CHRDL1: variants seen among roughly 807,000 people sequenced by gnomAD.
The protein encoded by CHRDL1 is chordin like 1, also known as chordin-like protein 1.
Under a neutral mutation model 40.9 loss-of-function variants are expected in CHRDL1, and 19 were observed. That is an observed-to-expected ratio of 0.46 (90% CI 0.32 to 0.68). The LOEUF is 0.68. CHRDL1 is among the 30% of genes least tolerant of loss of function. CHRDL1 has a pLI of 0.03. For synonymous variants in CHRDL1, 136 were observed against 123.4 expected (o/e 1.10, Z -0.68); for missense variants, 329 against 352.1 (o/e 0.93, Z 0.53).
intron 4 of CHRDL1, among the ~76,000 whole-genome samples, chrX:110,741,169 A>C (rs944456763): frequency 3.6e-5 from 4 of 112,106 alleles, no homozygotes; most frequent in Non-Finnish European, 7.5e-5. Flanking sequence ...AGTTGGTACC[A>C]GCAGGATTTC....
chrX:110,779,224 C>T (rs760165366), intron 2 of CHRDL1, among the ~76,000 whole-genome samples: 3 of 110,848 alleles, frequency 2.7e-5, no homozygotes, highest in Non-Finnish European at 5.7e-5. Flanking sequence ...ATTAACAAAC[C>T]TGCACATGTA....
At chrX:110,677,637 T>C (rs1603101849) in intron 11 of CHRDL1, among the ~76,000 whole-genome samples, 1 of 111,662 alleles carries the variant, frequency 9.0e-6, no homozygotes, top group East Asian at 2.8e-4. Context: ...CCTCCTTTCT[T>C]ACTCACATGT....
rs939443367 is a variant in CHRDL1 at position 110,747,745 on chromosome X, A to AC, written c.301+11915dup. Among the ~76,000 whole-genome samples, 54 of 111,755 alleles carry AC rather than the reference A, an allele frequency of 4.8e-4. 2 individuals are homozygous for AC. The highest frequency in any genetic ancestry group is 1.5e-3 in the African/African-American group (47 of 30,799). ...GCATTGCCAACACCCCAGAAGCACCACCCCCCAATGGAGGTCAACTCACCA... is the reference window on the plus strand; with the variant it reads ...GCATTGCCAACACCCCAGAAGCACCACCCCCCCAATGGAGGTCAACTCACCA... On this transcript the variant is annotated intron_variant, in intron 4 of 11. Coordinates refer to ENST00000372042, the MANE Select transcript of CHRDL1 (RefSeq NM_001143981.2).
intron 11 of CHRDL1, among the ~76,000 whole-genome samples, chrX:110,676,792 G>C (rs1231472932): frequency 9.0e-6 from 1 of 110,746 alleles, no homozygotes; most frequent in Non-Finnish European, 1.9e-5. Flanking sequence ...TTACCCTTAG[G>C]GTCCCCAAAT....
chrX:110,683,518 T>C (rs1046793458), intron 9 of CHRDL1, among the ~76,000 whole-genome samples: 1 of 112,139 alleles, frequency 8.9e-6, no homozygotes, highest in Non-Finnish European at 1.9e-5. Flanking sequence ...TAAGTCTTAA[T>C]AGGGACTTTT....
intron 4 of CHRDL1, among the ~76,000 whole-genome samples, chrX:110,758,402 C>G (rs957962950): frequency 1.8e-5 from 2 of 111,490 alleles, no homozygotes; most frequent in African/African-American, 3.3e-5. Context: ...ATTTAAAAAC[C>G]TGTGATATGG....
chrX:110,691,204 AC>A (rs1295672155), intron 8 of CHRDL1, among the ~76,000 whole-genome samples: 1 of 103,674 alleles, frequency 9.6e-6, no homozygotes, highest in African/African-American at 3.5e-5. Context: ...ACAGAGTGAG[AC>A]CCTGTTCCCT....
chrX:110,724,444 G>T lies in CHRDL1; in HGVS notation c.302-2914C>A, dbSNP rs186674918. Among the ~76,000 whole-genome samples, 31 of 110,528 alleles carry T rather than the reference G, an allele frequency of 2.8e-4. No individual in the cohort carries two copies. The East Asian group carries it at 6.5e-3, about 23-fold the overall frequency. On this transcript the variant is annotated intron_variant, in intron 4 of 11. Coordinates refer to ENST00000372042, the MANE Select transcript of CHRDL1 (RefSeq NM_001143981.2). Reference sequence around the variant, plus strand: ...AAGACACAGTAGAATCAAAGAAAAAGAAACCAATTATGGTCATGCTTAAGG... The same window carrying T: ...AAGACACAGTAGAATCAAAGAAAAATAAACCAATTATGGTCATGCTTAAGG...
At chrX:110,764,681 T>G (rs1008080728) in intron 2 of CHRDL1, among the ~76,000 whole-genome samples, 3 of 111,816 alleles carry the variant, frequency 2.7e-5, no homozygotes, top group African/African-American at 9.8e-5. Context: ...AAAAGAGCCA[T>G]ATTTTTCTTC....
chrX:110,759,748 T>G lies in CHRDL1; in HGVS notation c.214A>C (p.Asn72His), dbSNP rs1569480221. 8.4e-7 allele frequency: 1 copy of G among 1,186,973 alleles called. No individual in the cohort carries two copies. Among genetic ancestry groups the G allele is most frequent in the East Asian group, 3.0e-5 (1 of 33,714 alleles). ...CVNCICSENG[N>H]VLCSRVRCPN... ...CATCTGACTCGGCTGCAAAGCACATTCCCATTCTGAAAAAGAGAAGGCAAT... is the reference window on the plus strand; with the variant it reads ...CATCTGACTCGGCTGCAAAGCACATGCCCATTCTGAAAAAGAGAAGGCAAT... The change falls in exon 4 of 12, where the codon AAT becomes CAT. Residue 72 changes from asparagine (N) to histidine (H), a missense_variant. By Grantham distance (68) the Asn-to-His change is moderately conservative (BLOSUM62 1). Coordinates refer to ENST00000372042, the MANE Select transcript of CHRDL1 (RefSeq NM_001143981.2).
rs191578431 is a variant in CHRDL1, at chrX:110,779,623, T to A, written c.94+12465A>T. ...ATAGCTTAATAGTAAGTCTTGAAGT[T>A]GGGTAGTGAGTTTGTTCTCCTTTAA... is the stretch of plus-strand genomic sequence containing the variant. On this transcript the variant is annotated intron_variant, in intron 2 of 11. Transcript: ENST00000372042. Among the ~76,000 whole-genome samples, 29 of 111,587 alleles carry A rather than the reference T, an allele frequency of 2.6e-4. No homozygotes were observed. In the East Asian group the frequency reaches 5.9e-3, roughly 23 times the overall value.
intron 4 of CHRDL1, among the ~76,000 whole-genome samples, chrX:110,735,544 T>C (rs1162913610): frequency 8.9e-6 from 1 of 112,114 alleles, no homozygotes; most frequent in Non-Finnish European, 1.9e-5. Flanking sequence ...TCAGTCACAC[T>C]CAACCTTCAG....
intron 1 of CHRDL1, among the ~76,000 whole-genome samples, chrX:110,794,588 A>G (rs1171134609): frequency 8.9e-6 from 1 of 112,818 alleles, no homozygotes; most frequent in Non-Finnish European, 1.9e-5. Flanking sequence ...ACAAGCATTC[A>G]CATTGTTCAT....
At chrX:110,755,529 A>T (rs986342524) in intron 4 of CHRDL1, among the ~76,000 whole-genome samples, 108 of 111,835 alleles carry the variant, frequency 9.7e-4, no homozygotes, top group African/African-American at 2.9e-3. Context: ...ATGGAAACTA[A>T]GCTCTAAGCA....
intron 4 of CHRDL1, among the ~76,000 whole-genome samples, chrX:110,752,737 A>G (rs1292549923): frequency 9.0e-6 from 1 of 111,375 alleles, no homozygotes; most frequent in Non-Finnish European, 1.9e-5. Flanking sequence ...CTTGCACACT[A>G]CAGCTATTGT....
chrX:110,721,644 C>A, intron 4 of CHRDL1, 114 bp from the exon 5 acceptor site: 1 of 563,370 alleles, frequency 1.8e-6, no homozygotes, highest in South Asian at 3.0e-5. Context: ...AGACAGTCCC[C>A]GCTCCAGTGA....
At chrX:110,727,522 T>C (rs1383624107) in intron 4 of CHRDL1, among the ~76,000 whole-genome samples, 3 of 112,142 alleles carry the variant, frequency 2.7e-5, no homozygotes, top group Middle Eastern at 4.6e-3. Flanking sequence ...AGAGCTTCTA[T>C]AAATTGACAA....
intron 4 of CHRDL1, among the ~76,000 whole-genome samples, chrX:110,725,607 C>T (rs1041580404): frequency 3.6e-5 from 4 of 111,278 alleles, no homozygotes; most frequent in Middle Eastern, 4.6e-3. Context: ...GCTCTCTTCC[C>T]CACTCTCCCC....
Position 110,735,863 on chromosome X carries a change from G to A in CHRDL1, c.302-14333C>T, listed in dbSNP as rs197043. Among the ~76,000 whole-genome samples the A allele has an allele frequency of 1.2e-4, 14 of 112,408 alleles. 1 individual carries two copies. The highest frequency in any genetic ancestry group is 1.2e-3 in the Admixed American group (13 of 10,674). On this transcript the variant is annotated intron_variant, in intron 4 of 11. Coordinates refer to ENST00000372042, the MANE Select transcript of CHRDL1 (RefSeq NM_001143981.2). ...GAGATGACTGGAAAAGAGATAATGA[G>A]CTCGGGGACAGGATATGTCAGGAGG...
Sources: gnomAD v4.1 joint callset for allele counts (sites outside exome capture counted in the v4.1 genomes callset) on GRCh38, gnomAD v4.1.1 for gene constraint, MANE v1.5 for transcripts, NCBI Gene and HGNC (gene_info 2026-07-23, HGNC 2026-07-21) for gene names.